GALNT13: variants seen among roughly 807,000 people sequenced by gnomAD.
GALNT13 encodes polypeptide N-acetylgalactosaminyltransferase 13, also known as UDP-GalNAc:polypeptide N-acetylgalactosaminyltransferase 13.
A neutral mutation model predicts 64.2 loss-of-function variants in GALNT13; 28 were observed. That is an observed-to-expected ratio of 0.44 (90% CI 0.32 to 0.60). GALNT13 has a LOEUF of 0.60. Ranked by LOEUF, GALNT13 falls within the 20% of genes least tolerant of loss-of-function variation. GALNT13 has a pLI of 0.05. For missense variants in GALNT13, 577 were observed against 669.8 expected, an observed-to-expected ratio of 0.86 and a Z score of 1.53; for synonymous variants, 214 against 224.6, an observed-to-expected ratio of 0.95 and a Z score of 0.42.
At chr2:154,315,093 C>T (rs34768603) in intron 9 of GALNT13, among the ~76,000 whole-genome samples, 32,023 of 151,984 alleles carry the variant, frequency 0.21, 4,176 homozygotes, top group Admixed American at 0.32. Flanking sequence ...CTCAGATATG[C>T]TAAATTGTCC....
intron 9 of GALNT13, among the ~76,000 whole-genome samples, chr2:154,343,951 A>G (rs76987601): frequency 0.032 from 4,848 of 152,116 alleles, 104 homozygotes; most frequent in Middle Eastern, 0.068. Flanking sequence ...ACTTGTGTCT[A>G]TTTATAGATA....
the GALNT13 span, among the ~76,000 whole-genome samples, chr2:153,736,135 T>C: frequency 4.3e-3 from 655 of 152,310 alleles, 4 homozygotes; most frequent in African/African-American, 0.015. Flanking sequence ...CATCATTTCT[T>C]CTACATTTCT....
At chr2:153,124,460 A>T in the GALNT13 span, among the ~76,000 whole-genome samples, 1 of 152,022 alleles carries the variant, frequency 6.6e-6, no homozygotes, top group African/African-American at 2.4e-5. Flanking sequence ...GAGATACTAT[A>T]TCCATCTTCA....
the GALNT13 span, among the ~76,000 whole-genome samples, chr2:153,632,354 A>G: frequency 2.0e-5 from 3 of 152,210 alleles, no homozygotes; most frequent in Non-Finnish European, 2.9e-5. Flanking sequence ...TGATAAACTA[A>G]TATTGATAAG....
the GALNT13 span, among the ~76,000 whole-genome samples, chr2:153,775,623 ACTAAGT>A: frequency 1.3e-5 from 2 of 152,138 alleles, no homozygotes; most frequent in Non-Finnish European, 2.9e-5. Flanking sequence ...GATTAGGGAC[ACTAAGT>A]CTAATATCTT....
At chr2:154,383,911 G>A (rs760858150) in intron 9 of GALNT13, among the ~76,000 whole-genome samples, 2 of 151,674 alleles carry the variant, frequency 1.3e-5, no homozygotes, top group Non-Finnish European at 2.9e-5. Context: ...ATATATGTGT[G>A]TCAGAGAGAG....
At chr2:153,437,894 A>T in the GALNT13 span, among the ~76,000 whole-genome samples, 1 of 152,198 alleles carries the variant, frequency 6.6e-6, no homozygotes, top group African/African-American at 2.4e-5. Context: ...TATTTTGCTC[A>T]TTAGTTGATG....
At chr2:154,361,791 C>G (rs1317557963) in intron 9 of GALNT13, among the ~76,000 whole-genome samples, 1 of 152,052 alleles carries the variant, frequency 6.6e-6, no homozygotes, top group Non-Finnish European at 1.5e-5. Flanking sequence ...CATGATTAGG[C>G]TTTTTAAATA....
chr2:153,673,823 A>G, the GALNT13 span, among the ~76,000 whole-genome samples: 26,164 of 152,116 alleles, frequency 0.17, 2,784 homozygotes, highest in Non-Finnish European at 0.23. Flanking sequence ...TCTCAGCCTA[A>G]AATCTCAAGC....
chr2:153,686,051 T>A, the GALNT13 span, among the ~76,000 whole-genome samples: 1 of 152,102 alleles, frequency 6.6e-6, no homozygotes, highest in African/African-American at 2.4e-5. Flanking sequence ...TGTAGCCCTG[T>A]AGTATAATTT....
chr2:153,842,194 A>G, the GALNT13 span, among the ~76,000 whole-genome samples: 1 of 152,170 alleles, frequency 6.6e-6, no homozygotes, highest in Non-Finnish European at 1.5e-5. Context: ...AGAGGGCCAG[A>G]ATATGATGAA....
intron 9 of GALNT13, among the ~76,000 whole-genome samples, chr2:154,366,999 G>T (rs1697399972): frequency 6.6e-6 from 1 of 152,110 alleles, no homozygotes; most frequent in African/African-American, 2.4e-5. Flanking sequence ...GACCAGGTTG[G>T]ACACTGTGAA....
chr2:153,294,453 G>A, the GALNT13 span, among the ~76,000 whole-genome samples: 2 of 152,146 alleles, frequency 1.3e-5, no homozygotes, highest in Non-Finnish European at 2.9e-5. Flanking sequence ...GTGGAGCACA[G>A]TTTTACATGT....
intron 12 of GALNT13, chr2:154,446,463 C>A: frequency 8.3e-7 from 1 of 1,209,740 alleles, no homozygotes; most frequent in Non-Finnish European, 1.1e-6. Flanking sequence ...TGACATGTGC[C>A]TTCCATCTTT....
chr2:153,799,752 T>A, the GALNT13 span, among the ~76,000 whole-genome samples: 1 of 152,170 alleles, frequency 6.6e-6, no homozygotes, highest in Non-Finnish European at 1.5e-5. Flanking sequence ...ACAAATGGCA[T>A]TTCCAAACAC....
intron 1 of GALNT13, among the ~76,000 whole-genome samples, chr2:153,900,510 ACT>A (rs1688166951): frequency 6.6e-6 from 1 of 152,270 alleles, no homozygotes; most frequent in East Asian, 1.9e-4. Context: ...TTCTTTTCTA[ACT>A]CAGTGATCCT....
the GALNT13 span, among the ~76,000 whole-genome samples, chr2:153,521,511 G>A: frequency 4.6e-5 from 7 of 152,254 alleles, no homozygotes; most frequent in East Asian, 1.9e-4. Flanking sequence ...AGTGGTACAT[G>A]TTATAATTGA....
the GALNT13 span, among the ~76,000 whole-genome samples, chr2:153,580,127 T>C: frequency 6.6e-6 from 1 of 152,104 alleles, no homozygotes; most frequent in African/African-American, 2.4e-5. Flanking sequence ...TTTCTCCTCT[T>C]CTCAGGGAAA....
At chr2:153,633,105 A>G in the GALNT13 span, among the ~76,000 whole-genome samples, 26 of 152,268 alleles carry the variant, frequency 1.7e-4, no homozygotes, top group African/African-American at 5.8e-4. Context: ...TGCATGGTAT[A>G]CCATAGTTTG....
Sources: gnomAD v4.1 joint callset for allele counts (sites outside exome capture counted in the v4.1 genomes callset) on GRCh38, gnomAD v4.1.1 for gene constraint, MANE v1.5 for transcripts, NCBI Gene and HGNC (gene_info 2026-07-23, HGNC 2026-07-21) for gene names.